KHDRBS3: variants seen among roughly 807,000 people sequenced by gnomAD.
KHDRBS3 encodes the protein KH RNA binding domain containing, signal transduction associated 3, also known as KH domain-containing, RNA-binding, signal transduction-associated protein 3.
In KHDRBS3, 23 loss-of-function variants were observed where a neutral mutation model predicts 45.6. That is an observed-to-expected ratio of 0.50 (90% CI 0.36 to 0.72). The LOEUF is 0.72. Among genes scored for constraint, KHDRBS3 ranks in the 30% least tolerant of loss-of-function variants. KHDRBS3 has a pLI of 0.00. For synonymous variants in KHDRBS3, 162 were observed against 156.5 expected (o/e 1.04, Z -0.26); for missense variants, 352 against 424.8 (o/e 0.83, Z 1.51).
At chr8:135,468,041 C>A (rs190404377) in intron 1 of KHDRBS3, among the ~76,000 whole-genome samples, 1 of 152,230 alleles carries the variant, frequency 6.6e-6, no homozygotes, top group Non-Finnish European at 1.5e-5. Context: ...TTTTCAATCC[C>A]TCTCTCCCTC....
Position 135,607,047 on chromosome 8 carries a change from A to C in KHDRBS3, c.890+10A>C, listed in dbSNP as rs373743255. Reference sequence around the variant, plus strand: ...GCACCCCAGCCCAAAGGTAAGAGTCAGTCTTTATTACCAGACCCCACAACA... The same window carrying C: ...GCACCCCAGCCCAAAGGTAAGAGTCCGTCTTTATTACCAGACCCCACAACA... On this transcript the variant is annotated intron_variant, in intron 7 of 8. Coordinates refer to ENST00000355849, the MANE Select transcript of KHDRBS3 (RefSeq NM_006558.3). 3 of 1,601,080 alleles carry C rather than the reference A, an allele frequency of 1.9e-6. No homozygotes were observed. Among genetic ancestry groups the C allele is most frequent in the Non-Finnish European group, 2.6e-6 (3 of 1,168,774 alleles).
chr8:135,458,893 C>T lies in KHDRBS3; in HGVS notation c.88+939C>T, dbSNP rs759666610. 48 of 456,108 alleles carry T rather than the reference C, an allele frequency of 1.1e-4. 1 individual carries two copies. Among genetic ancestry groups the T allele is most frequent in the South Asian group, 6.8e-4 (44 of 64,566 alleles). The allele number at this position is 456,108 out of a possible 1,614,324, so 28.3% of individuals were successfully genotyped here. On this transcript the variant is annotated intron_variant, in intron 1 of 8. Coordinates refer to ENST00000355849, the MANE Select transcript of KHDRBS3 (RefSeq NM_006558.3). ...TTTTTCCTCCTGTGGCTTCCTGAAT[C>T]ATCTGCTGGCATGCACGGTAAATTA...
intron 5 of KHDRBS3, among the ~76,000 whole-genome samples, chr8:135,561,059 T>C (rs1827144499): frequency 6.6e-6 from 1 of 152,196 alleles, no homozygotes; most frequent in Non-Finnish European, 1.5e-5. Flanking sequence ...GGTACGTGTT[T>C]TCTCAAATCC....
intron 2 of KHDRBS3, among the ~76,000 whole-genome samples, chr8:135,524,228 C>A (rs1246780483): frequency 2.0e-5 from 3 of 152,148 alleles, no homozygotes; most frequent in Non-Finnish European, 4.4e-5. Flanking sequence ...GTTGACCAGG[C>A]TGGCCTAATG....
At chr8:135,469,143 C>A (rs1337686002) in intron 1 of KHDRBS3, among the ~76,000 whole-genome samples, 1 of 152,194 alleles carries the variant, frequency 6.6e-6, no homozygotes, top group Non-Finnish European at 1.5e-5. Context: ...AAATTATACC[C>A]CTTTTATTGT....
chr8:135,458,151 G>T (rs1586534530), intron 1 of KHDRBS3, 197 bp downstream of exon 1: 1 of 1,352,446 alleles, frequency 7.4e-7, no homozygotes, highest in East Asian at 3.1e-5. Flanking sequence ...TGTGAATTTT[G>T]GGGACTTGGA....
At chr8:135,611,798 G>A (rs1273137388) in intron 7 of KHDRBS3, among the ~76,000 whole-genome samples, 1 of 151,808 alleles carries the variant, frequency 6.6e-6, no homozygotes, top group Non-Finnish European at 1.5e-5. Flanking sequence ...GTTTCAGAAG[G>A]CAAGGTACAC....
chr8:135,620,806 T>C (rs116946936), intron 7 of KHDRBS3, among the ~76,000 whole-genome samples: 2,096 of 152,254 alleles, frequency 0.014, 23 homozygotes, highest in Non-Finnish European at 0.022. Flanking sequence ...CTAAGGCTTC[T>C]GTGTTTCCGC....
intron 1 of KHDRBS3, among the ~76,000 whole-genome samples, chr8:135,468,584 G>A (rs1821820521): frequency 6.6e-6 from 1 of 152,194 alleles, no homozygotes; most frequent in Non-Finnish European, 1.5e-5. Context: ...CTATGTAAAT[G>A]AATGAGAATA....
intron 2 of KHDRBS3, among the ~76,000 whole-genome samples, chr8:135,529,715 C>A (rs903902146): frequency 6.6e-6 from 1 of 152,002 alleles, no homozygotes; most frequent in Non-Finnish European, 1.5e-5. Context: ...ATTTAAAAGA[C>A]TAGAAACAGT....
intron 7 of KHDRBS3, among the ~76,000 whole-genome samples, chr8:135,621,633 C>G (rs961996354): frequency 6.6e-6 from 1 of 151,184 alleles, no homozygotes; most frequent in Non-Finnish European, 1.5e-5. Flanking sequence ...TGGGTAGATT[C>G]TAAACTGTTG....
At chr8:135,606,706 C>A (rs1829481477) in intron 6 of KHDRBS3, among the ~76,000 whole-genome samples, 7 of 152,154 alleles carry the variant, frequency 4.6e-5, no homozygotes, top group Admixed American at 4.6e-4. Context: ...TAGAGCTCTG[C>A]AATCTTTTGG....
At chr8:135,629,444 G>A (rs1424236870) in intron 7 of KHDRBS3, among the ~76,000 whole-genome samples, 1 of 152,144 alleles carries the variant, frequency 6.6e-6, no homozygotes, top group Non-Finnish European at 1.5e-5. Flanking sequence ...CCTTCTATCA[G>A]TGTCTTTATT....
At chr8:135,628,346 C>T (rs145673027) in intron 7 of KHDRBS3, among the ~76,000 whole-genome samples, 58 of 152,222 alleles carry the variant, frequency 3.8e-4, no homozygotes, top group African/African-American at 1.3e-3. Flanking sequence ...ATCTGCTGAA[C>T]AGATGTCGAA....
chr8:135,461,291 G>A (rs1270674293), intron 1 of KHDRBS3, among the ~76,000 whole-genome samples: 1 of 152,160 alleles, frequency 6.6e-6, no homozygotes, highest in South Asian at 2.1e-4. Context: ...TTTTAGTAGA[G>A]ACGGGGTTTC....
intron 5 of KHDRBS3, among the ~76,000 whole-genome samples, chr8:135,558,993 C>T (rs919562127): frequency 6.6e-6 from 1 of 152,176 alleles, no homozygotes; most frequent in Admixed American, 6.5e-5. Context: ...TCTCCGTCCT[C>T]ACACTGCCTT....
In KHDRBS3 at chr8:135,457,850, C is replaced by G. The variant is rs768743654; in HGVS notation, c.-17C>G. 181 of 1,552,588 alleles carry G rather than the reference C, an allele frequency of 1.2e-4. No homozygotes were observed. Among genetic ancestry groups the G allele is most frequent in the Admixed American group, 2.2e-4 (12 of 54,512 alleles). On this transcript the variant is annotated 5_prime_UTR_variant, in exon 1 of 9. Coordinates refer to ENST00000355849, the MANE Select transcript of KHDRBS3 (RefSeq NM_006558.3). The surrounding 1 kb of genome is among the most constrained non-coding windows in gnomAD (Gnocchi z 4.4). Reference sequence around the variant, plus strand: ...GTGCGCCTGGAGTCCACATCCCGGGCCCGGCGGCCGGCGAGCATGGAGGAG... The same window carrying G: ...GTGCGCCTGGAGTCCACATCCCGGGGCCGGCGGCCGGCGAGCATGGAGGAG...
intron 2 of KHDRBS3, among the ~76,000 whole-genome samples, chr8:135,524,840 A>G (rs186126807): frequency 3.7e-4 from 56 of 152,298 alleles, no homozygotes; most frequent in African/African-American, 1.3e-3. Flanking sequence ...TTCAGAATTT[A>G]CATTTGAATC....
At chr8:135,589,795 A>T (rs1828659564) in intron 6 of KHDRBS3, among the ~76,000 whole-genome samples, 1 of 152,208 alleles carries the variant, frequency 6.6e-6, no homozygotes, top group African/African-American at 2.4e-5. Flanking sequence ...CTAAGTAAAT[A>T]TGCGGAGGAT....
Sources: allele counts gnomAD v4.1 joint callset (sites outside exome capture counted in the v4.1 genomes callset), GRCh38; gene constraint gnomAD v4.1.1; non-coding constraint Gnocchi (gnomAD v3.1); transcripts MANE v1.5; gene names NCBI Gene and HGNC (gene_info 2026-07-23, HGNC 2026-07-21).